The following C8orf76 variants were observed in gnomAD, a reference collection of about 807,000 sequenced individuals.
C8orf76 encodes the protein uncharacterized protein C8orf76.
Under a neutral mutation model 38.1 loss-of-function variants are expected in C8orf76, and 46 were observed. That is an observed-to-expected ratio of 1.21 (90% confidence interval 0.95 to 1.54). The LOEUF (loss-of-function observed/expected upper bound fraction) is 1.54. Ranked by LOEUF, C8orf76 falls within the 40% of genes most tolerant of loss-of-function variation. The pLI is 0.00. For missense variants in C8orf76, 461 were observed against 441.6 expected, an observed-to-expected ratio of 1.04 and a Z score of -0.39; for synonymous variants, 166 against 167.5, an observed-to-expected ratio of 0.99 and a Z score of 0.07.
At chr8:123,227,993 G>T (rs544413174) in intron 4 of C8orf76, among the ~76,000 whole-genome samples, 2 of 151,962 alleles carry the variant, frequency 1.3e-5, no homozygotes, top group Non-Finnish European at 2.9e-5. Context: ...CCCGCGACTC[G>T]GTACTTCAAG....
At chr8:123,241,166 C>T in intron 1 of C8orf76, 64 bp downstream of exon 1, 4 of 1,474,492 alleles carry the variant, frequency 2.7e-6, no homozygotes, top group Non-Finnish European at 2.7e-6. Flanking sequence ...GAGGCCGGGG[C>T]CGGGGCCCCG....
intron 5 of C8orf76, chr8:123,226,207 CATTT>C: frequency 4.1e-6 from 5 of 1,222,844 alleles, no homozygotes; most frequent in Non-Finnish European, 5.1e-6. Flanking sequence ...TTCATTCATT[CATTT>C]ATTCAGCACT....
At chr8:123,237,746 T>C in intron 3 of C8orf76, 52 bp downstream of exon 3, 1 of 1,546,280 alleles carries the variant, frequency 6.5e-7, no homozygotes, top group Non-Finnish European at 8.7e-7. Flanking sequence ...AAATACACCA[T>C]TCGACCACCC....
At chr8:123,225,741 C>T (rs1040085290) in intron 5 of C8orf76, among the ~76,000 whole-genome samples, 10 of 152,056 alleles carry the variant, frequency 6.6e-5, no homozygotes, top group Non-Finnish European at 5.9e-5. Flanking sequence ...GACTGGCCAA[C>T]ATGGTGAACC....
chr8:123,237,255 G>A (rs1322419274), intron 3 of C8orf76, among the ~76,000 whole-genome samples: 1 of 152,162 alleles, frequency 6.6e-6, no homozygotes, highest in Non-Finnish European at 1.5e-5. Flanking sequence ...GTCCTGCCCA[G>A]GCCTCATGGC....
intron 3 of C8orf76, among the ~76,000 whole-genome samples, 181 bp downstream of exon 3, chr8:123,237,617 A>C (rs1306961157): frequency 6.6e-6 from 1 of 152,220 alleles, no homozygotes; most frequent in Non-Finnish European, 1.5e-5. Context: ...CAAGAAAATG[A>C]TTATGTCTAG....
chr8:123,222,274 G>A (rs576298764), intron 5 of C8orf76, among the ~76,000 whole-genome samples: 69 of 152,302 alleles, frequency 4.5e-4, no homozygotes, highest in Non-Finnish European at 7.9e-4. Flanking sequence ...GTGCGCCACC[G>A]CGCCCGGCAG....
At chr8:123,240,471 C>T (rs1439387573) in intron 1 of C8orf76, among the ~76,000 whole-genome samples, 1 of 152,190 alleles carries the variant, frequency 6.6e-6, no homozygotes, top group Non-Finnish European at 1.5e-5. Flanking sequence ...TCCGTATTTT[C>T]CATAAATATT....
At chr8:123,225,470 G>A (rs1332554806) in intron 5 of C8orf76, among the ~76,000 whole-genome samples, 1 of 152,212 alleles carries the variant, frequency 6.6e-6, no homozygotes, top group Non-Finnish European at 1.5e-5. Context: ...TGGAACCTAG[G>A]GGTGTGGTGA....
chr8:123,237,850 C>T lies in C8orf76; in HGVS notation c.305G>A (p.Cys102Tyr), dbSNP rs1176801169. ...CATATGCCTACCCAGGTGAGCCAGA[C>T]ACCGAGCCTGACCTTCCTGGACATC... Reference protein sequence around the residue: ...KRDVQEGQARCLAHLGRHMEA... With the variant: ...KRDVQEGQARYLAHLGRHMEA... The change falls in exon 3 of 6, where the codon TGT becomes TAT. Residue 102 changes from cysteine to tyrosine, a missense_variant. Coordinates refer to ENST00000276704, the MANE Select transcript of C8orf76 (RefSeq NM_032847.3). 1 of 1,614,024 alleles carries T rather than the reference C, an allele frequency of 6.2e-7. No homozygotes were observed. The highest frequency in any genetic ancestry group is 1.3e-5 in the African/African-American group (1 of 74,910).
rs780469458 is a variant in C8orf76 at position 123,226,457 on chromosome 8, T to C, written c.948+43A>G. ...AATGCTATCAGAGCCAGGGAAAATA[T>C]CTATGATGCTTCGTTTCACATAAAC... On this transcript the variant is annotated intron_variant, in intron 5 of 5. Coordinates refer to ENST00000276704, the MANE Select transcript of C8orf76 (RefSeq NM_032847.3). 4 of 1,601,868 alleles carry C rather than the reference T, an allele frequency of 2.5e-6. No individual in the cohort carries two copies. The South Asian group carries it at 4.5e-5, about 18-fold the overall frequency.
At chr8:123,229,053 C>T (rs905735028) in intron 4 of C8orf76, among the ~76,000 whole-genome samples, 1 of 152,252 alleles carries the variant, frequency 6.6e-6, no homozygotes, top group African/African-American at 2.4e-5. Flanking sequence ...CTCTGCCACC[C>T]TGGCACTGTG....
In C8orf76 at chr8:123,238,044, A is replaced by G. The variant is rs1276256110; in HGVS notation, c.214-103T>C. ...TTTTTCCTAGGTGGAAAGTAATGTT[A>G]TAACTGACCAATGAATTACATGAAT... On this transcript the variant is annotated intron_variant, in intron 2 of 5. Coordinates refer to ENST00000276704, the MANE Select transcript of C8orf76 (RefSeq NM_032847.3). 9.4e-6 allele frequency: 12 copies of G among 1,278,844 alleles called. No individual in the cohort carries two copies. The South Asian group carries it at 1.5e-4, about 16-fold the overall frequency. 79.2% of individuals were successfully genotyped at this position (1,278,844 alleles called of 1,614,324 possible).
chr8:123,220,669 T>C lies in C8orf76; in HGVS notation c.949-372A>G, dbSNP rs144709351. Reference sequence around the variant, plus strand: ...AAAGAGCATATTCTGTTGGTGAGAATGCAACTGTAGCATGTAGCTGGGCCC... The same window carrying C: ...AAAGAGCATATTCTGTTGGTGAGAACGCAACTGTAGCATGTAGCTGGGCCC... On this transcript the variant is annotated intron_variant, in intron 5 of 5. Coordinates refer to ENST00000276704, the MANE Select transcript of C8orf76 (RefSeq NM_032847.3). 7.8e-3 allele frequency among the ~76,000 whole-genome samples: 1,184 copies of C among 152,328 alleles called. 20 individuals are homozygous for C. The highest frequency in any genetic ancestry group is 0.027 in the African/African-American group (1,125 of 41,568).
intron 1 of C8orf76, 111 bp downstream of exon 1, chr8:123,241,119 G>T (rs1349437235): frequency 2.7e-6 from 3 of 1,103,480 alleles, no homozygotes; most frequent in Non-Finnish European, 3.6e-6. Flanking sequence ...GGGCGCTGGA[G>T]CCTGCCAGGG....
chr8:123,227,373 C>A (rs1192094550), intron 4 of C8orf76, among the ~76,000 whole-genome samples: 8 of 151,872 alleles, frequency 5.3e-5, no homozygotes, highest in Admixed American at 4.6e-4. Context: ...ATGCCCAACA[C>A]TACGCTAGGC....
intron 5 of C8orf76, among the ~76,000 whole-genome samples, chr8:123,225,547 G>C: frequency 6.6e-6 from 1 of 152,132 alleles, no homozygotes; most frequent in East Asian, 1.9e-4. Context: ...CATTACTTAC[G>C]CTACAGAAGA....
In C8orf76 at chr8:123,232,765, C is replaced by CT. The variant is rs573116755; in HGVS notation, c.358-1009dup. Among the ~76,000 whole-genome samples the CT allele has an allele frequency of 3.0e-3, 456 of 152,308 alleles. 2 individuals carry two copies. The highest frequency in any genetic ancestry group is 0.01 in the African/African-American group (433 of 41,566). ...GTACCTTCCCAAAGACAGAACACAT[C>CT]TCGTTTTATTGTTACTATTGTTCAG... On this transcript the variant is annotated intron_variant, in intron 3 of 5. Coordinates refer to ENST00000276704, the MANE Select transcript of C8orf76 (RefSeq NM_032847.3).
intron 4 of C8orf76, among the ~76,000 whole-genome samples, chr8:123,227,904 TA>T (rs765702912): frequency 7.1e-4 from 108 of 152,182 alleles, no homozygotes; most frequent in Non-Finnish European, 1.3e-3. Context: ...TGACATCACC[TA>T]CCCGGCCTCG....
Sources: allele counts gnomAD v4.1 joint callset (sites outside exome capture counted in the v4.1 genomes callset), GRCh38; gene constraint gnomAD v4.1.1; transcripts MANE v1.5; gene names NCBI Gene and HGNC (gene_info 2026-07-23, HGNC 2026-07-21).